The following SREBF2 variants were observed in gnomAD, a reference collection of about 807,000 sequenced individuals.
SREBF2 encodes sterol regulatory element-binding protein 2.
A neutral mutation model predicts 113.1 loss-of-function variants in SREBF2; 55 were observed. That is an observed-to-expected ratio of 0.49 (90% CI 0.39 to 0.61). The LOEUF (loss-of-function observed/expected upper bound fraction) is 0.61. SREBF2 is among the 20% of genes least tolerant of loss of function. The probability of loss-of-function intolerance (pLI) is 0.00; values close to 1 mark genes in which losing one functional copy is unlikely to be tolerated. For missense variants in SREBF2, 1,349 were observed against 1,487.4 expected, an observed-to-expected ratio of 0.91 and a Z score of 1.53; for synonymous variants, 593 against 605.7, an observed-to-expected ratio of 0.98 and a Z score of 0.31.
chr22:41,877,863 A>G, intron 8 of SREBF2, 79 bp from the exon 9 acceptor site: 1 of 1,444,812 alleles, frequency 6.9e-7, no homozygotes, highest in African/African-American at 1.4e-5. Context: ...CTTTCCTGTG[A>G]TAGTGCTGGG....
rs1367418956 is a variant in SREBF2, at chr22:41,873,923, G to A, written c.993G>A (p.Arg331=). ...TTGAGCCCCCCAAAGAAGGAGAAAG[G>A]CGGACAACCCATAATATCATTGAGA... is the stretch of plus-strand genomic sequence containing the variant. ...KQLEPPKEGE[R]RTTHNIIEKR... The change falls in exon 5 of 19, where the codon AGG becomes AGA. Residue 331 remains arginine, a synonymous_variant. Transcript: ENST00000361204. The A allele has an allele frequency of 2.5e-6, 4 of 1,614,148 alleles. No homozygotes were observed. The East Asian group carries it at 8.9e-5, about 36-fold the overall frequency.
In SREBF2 at chr22:41,877,851, C is replaced by A. The variant is rs923925036; in HGVS notation, c.1580-91C>A. 11 of 1,356,124 alleles carry A rather than the reference C, an allele frequency of 8.1e-6. No individual in the cohort carries two copies. In the African/African-American group the frequency reaches 1.3e-4, roughly 16 times the overall value. The allele number at this position is 1,356,124 out of a possible 1,614,324, so 84.0% of individuals were successfully genotyped here. ...TTTCTTCTGAAAATGAGGTAGAAGACTCTTTCCTGTGATAGTGCTGGGGTC... is the reference window on the plus strand; with the variant it reads ...TTTCTTCTGAAAATGAGGTAGAAGAATCTTTCCTGTGATAGTGCTGGGGTC... On this transcript the variant is annotated intron_variant, in intron 8 of 18. Transcript: ENST00000361204.
At chr22:41,900,646 C>T in intron 16 of SREBF2, 148 bp downstream of exon 16, 1 of 800,398 alleles carries the variant, frequency 1.2e-6, no homozygotes, top group South Asian at 1.8e-5. Context: ...AAAGTTACGG[C>T]TTATTGGCCT....
At chr22:41,837,690 C>A (rs1341009727) in intron 1 of SREBF2, among the ~76,000 whole-genome samples, 1 of 151,246 alleles carries the variant, frequency 6.6e-6, no homozygotes, top group Non-Finnish European at 1.5e-5. Context: ...GAAACCCCGT[C>A]TCTACTAAAA....
chr22:41,870,809 A>G (rs2077133001), intron 3 of SREBF2, 80 bp from the exon 4 acceptor site: 1 of 1,516,726 alleles, frequency 6.6e-7, no homozygotes, highest in African/African-American at 1.4e-5. Context: ...TCTTTCTTGG[A>G]AGGTCTATGC....
In SREBF2 at chr22:41,905,732, G is replaced by T; in HGVS notation, c.*72G>T. 1 of 1,475,848 alleles carries T rather than the reference G, an allele frequency of 6.8e-7. No individual in the cohort carries two copies. Among genetic ancestry groups the T allele is most frequent in the Non-Finnish European group, 9.3e-7 (1 of 1,079,274 alleles). 91.4% of individuals were successfully genotyped at this position (1,475,848 alleles called of 1,614,324 possible). On this transcript the variant is annotated 3_prime_UTR_variant, in exon 19 of 19. Transcript: ENST00000361204. Reference sequence around the variant, plus strand: ...CTCCCCCTCAGCATCTTCCCGCTGAGAGTGGTGGGGAAGAGCCTTGTCTTC... The same window carrying T: ...CTCCCCCTCAGCATCTTCCCGCTGATAGTGGTGGGGAAGAGCCTTGTCTTC...
intron 1 of SREBF2, among the ~76,000 whole-genome samples, chr22:41,843,226 GTTC>G (rs1450828181): frequency 1.3e-5 from 2 of 152,184 alleles, no homozygotes; most frequent in Non-Finnish European, 2.9e-5. Context: ...GACTCATCCT[GTTC>G]TTTATTAGTT....
chr22:41,893,145 T>C lies in SREBF2; in HGVS notation c.2237T>C (p.Leu746Pro). The stretch of plus-strand genomic sequence containing the variant: ...TACTTCCTCAGCCGAGCCCAGAGCC[T>C]GTGTGGCCCCGAGCACAGTGCTGTT... Reference protein sequence around the residue: ...ASYFLSRAQSLCGPEHSAVPD... With the variant: ...ASYFLSRAQSPCGPEHSAVPD... Residue 746 changes from leucine (L) to proline (P), a missense_variant, in exon 12 of 19, where the codon CTG becomes CCG. By Grantham distance (98) the Leu-to-Pro change is moderately conservative. Coordinates refer to ENST00000361204, the MANE Select transcript of SREBF2 (RefSeq NM_004599.4). 1 of 1,614,024 alleles carries C rather than the reference T, an allele frequency of 6.2e-7. No homozygotes were observed. Among genetic ancestry groups the C allele is most frequent in the Admixed American group, 1.7e-5 (1 of 60,024 alleles).
chr22:41,878,510 G>A, intron 9 of SREBF2: 1 of 438,690 alleles, frequency 2.3e-6, no homozygotes, highest in Non-Finnish European at 4.3e-6. Flanking sequence ...AGAGAGAGTT[G>A]AAGGCAAAGG....
At chr22:41,894,997 C>T in intron 13 of SREBF2, 60 bp downstream of exon 13, 1 of 1,366,892 alleles carries the variant, frequency 7.3e-7, no homozygotes, top group Non-Finnish European at 1.0e-6. Context: ...AACTCCAGGA[C>T]AGCCTGAAGG....
At position 41,877,565 on chromosome 22, in the gene SREBF2, C is replaced by T; in HGVS notation, c.1579+144C>T. Reference sequence around the variant, plus strand: ...CCCACCTGCTTGCTTCTGATAGGGACTGGCATAAGTTCCATTTTAGAAGTA... The same window carrying T: ...CCCACCTGCTTGCTTCTGATAGGGATTGGCATAAGTTCCATTTTAGAAGTA... On this transcript the variant is annotated intron_variant, in intron 8 of 18. Coordinates refer to ENST00000361204, the MANE Select transcript of SREBF2 (RefSeq NM_004599.4). 5.0e-6 allele frequency: 5 copies of T among 991,142 alleles called. No homozygotes were observed. The South Asian group carries it at 7.0e-5, about 14-fold the overall frequency. 61.4% of individuals were successfully genotyped at this position (991,142 alleles called of 1,614,324 possible).
Position 41,894,927 on chromosome 22 carries a change from G to A in SREBF2, c.2485G>A (p.Glu829Lys). Residue 829 changes from glutamate to lysine, a missense_variant, in exon 13 of 19, where the codon GAA (glutamate) becomes AAA (lysine). This residue lies in a region of SREBF2 where 650 missense variants were observed against 644.1 expected (regional missense o/e 1.01). Coordinates refer to ENST00000361204, the MANE Select transcript of SREBF2 (RefSeq NM_004599.4). ...CAAGAAGAAGGCTGGAGACCAGGAA[G>A]AAGAGAGCTGGTAAAGTCCCCAGAC... The part of the protein sequence containing the change: ...QAKKKAGDQE[E>K]ESCEFSSALE... 6.2e-7 allele frequency: 1 copy of A among 1,613,814 alleles called. No homozygotes were observed. The highest frequency in any genetic ancestry group is 8.5e-7 in the Non-Finnish European group (1 of 1,179,872).
intron 13 of SREBF2, among the ~76,000 whole-genome samples, 184 bp from the exon 14 acceptor site, chr22:41,896,868 C>A (rs2077420972): frequency 6.6e-6 from 1 of 151,994 alleles, no homozygotes; most frequent in South Asian, 2.1e-4. Context: ...CCCAGAGACA[C>A]GGAGGAAGGA....
Position 41,897,075 on chromosome 22 carries a change from A to G in SREBF2, c.2519A>G (p.Tyr840Cys), listed in dbSNP as rs755073655. 1 of 1,613,168 alleles carries G rather than the reference A, an allele frequency of 6.2e-7. No individual in the cohort carries two copies. Among genetic ancestry groups the G allele is most frequent in the Non-Finnish European group, 8.5e-7 (1 of 1,179,674 alleles). ...AGTGAATTCTCCAGTGCTCTGGAGT[A>G]CTTGAAATTACTTCATTCTTTTGTG... is the stretch of plus-strand genomic sequence containing the variant. ...ESCEFSSALE[Y>C]LKLLHSFVDS... The change falls in exon 14 of 19, where the codon TAC becomes TGC. Residue 840 changes from tyrosine to cysteine, a missense_variant. Physicochemically the swap from Tyr to Cys is radical, Grantham distance 194. Coordinates refer to ENST00000361204, the MANE Select transcript of SREBF2 (RefSeq NM_004599.4).
Position 41,833,245 on chromosome 22 carries a change from G to A in SREBF2, c.-26G>A, listed in dbSNP as rs200467127. 5 of 1,513,238 alleles carry A rather than the reference G, an allele frequency of 3.3e-6. No homozygotes were observed. The highest frequency in any genetic ancestry group is 2.7e-5 in the East Asian group (1 of 37,058). The allele number at this position is 1,513,238 out of a possible 1,614,324, so 93.7% of individuals were successfully genotyped here. ...CGCGTCTCCCTGAGCGGGACGGCAG[G>A]GGGGGCTTCTGCGCTGAGCCGGGCG... On this transcript the variant is annotated 5_prime_UTR_variant, in exon 1 of 19. Coordinates refer to ENST00000361204, the MANE Select transcript of SREBF2 (RefSeq NM_004599.4). This position sits in a 1 kb window ranked among gnomAD's most constrained non-coding sequence, Gnocchi z 4.1.
At chr22:41,901,044 A>T (rs1229516282) in intron 16 of SREBF2, 1 of 505,194 alleles carries the variant, frequency 2.0e-6, no homozygotes, top group Non-Finnish European at 4.1e-6. Flanking sequence ...GACTGCCCTG[A>T]CTGAAGGCCC....
At position 41,901,246 on chromosome 22, in the gene SREBF2, C is replaced by T. The variant is rs540270382; in HGVS notation, c.2907+748C>T. Among the ~76,000 whole-genome samples, 11 of 152,286 alleles carry T rather than the reference C, an allele frequency of 7.2e-5. No homozygotes were observed. In the South Asian group the frequency reaches 2.1e-3, roughly 29 times the overall value. Reference sequence around the variant, plus strand: ...GGAGATTCAGATTCTCAGCCACTCCCTGGGGCTTGGTCTTAGCTGGCTAGG... The same window carrying T: ...GGAGATTCAGATTCTCAGCCACTCCTTGGGGCTTGGTCTTAGCTGGCTAGG... On this transcript the variant is annotated intron_variant, in intron 16 of 18. Transcript: ENST00000361204.
chr22:41,840,051 C>G (rs1262313160), intron 1 of SREBF2, among the ~76,000 whole-genome samples: 1 of 150,524 alleles, frequency 6.6e-6, no homozygotes, highest in Admixed American at 6.6e-5. Context: ...CCTCTGCCTC[C>G]TGGGTTCAGG....
At chr22:41,840,996 G>T (rs1185251137) in intron 1 of SREBF2, among the ~76,000 whole-genome samples, 2 of 152,182 alleles carry the variant, frequency 1.3e-5, no homozygotes, top group African/African-American at 4.8e-5. Context: ...AGAGTATCCT[G>T]CATGCAGTAC....
Sources: allele counts gnomAD v4.1 joint callset (sites outside exome capture counted in the v4.1 genomes callset), GRCh38; gene constraint gnomAD v4.1.1; regional missense constraint gnomAD v4.1.1; non-coding constraint Gnocchi (gnomAD v3.1); transcripts MANE v1.5; gene names NCBI Gene and HGNC (gene_info 2026-07-23, HGNC 2026-07-21).